The following COL3A1 variants were observed in gnomAD, a reference collection of about 807,000 sequenced individuals.
The protein encoded by COL3A1 is collagen alpha-1(III) chain.
Under a neutral mutation model 200.9 loss-of-function variants are expected in COL3A1, and 46 were observed. The ratio of observed to expected loss-of-function variants is 0.23; its 90% confidence interval spans 0.18 to 0.29. The LOEUF is 0.29. COL3A1 is among the 10% of genes least tolerant of loss of function. The pLI is 1.00. For missense variants in COL3A1, 1,367 were observed against 1,917.6 expected, an observed-to-expected ratio of 0.71 and a Z score of 5.36; for synonymous variants, 650 against 628.0, an observed-to-expected ratio of 1.03 and a Z score of -0.52.
In COL3A1 at chr2:188,998,694, T is replaced by C; in HGVS notation, c.1998T>C (p.Gly666=). ...PGEPGPKGDA[G]APGAPGGKGD... ...CCCAGGGTCCAAAGGGTGATGCCGGTGCACCTGGAGCTCCAGGAGGCAAGG... is the reference window on the plus strand; with the variant it reads ...CCCAGGGTCCAAAGGGTGATGCCGGCGCACCTGGAGCTCCAGGAGGCAAGG... Residue 666 remains glycine (G), a synonymous_variant, in exon 29 of 51, where the codon GGT becomes GGC. Coordinates refer to ENST00000304636, the MANE Select transcript of COL3A1 (RefSeq NM_000090.4). 3.1e-6 allele frequency: 5 copies of C among 1,613,992 alleles called. No homozygotes were observed. The highest frequency in any genetic ancestry group is 4.2e-6 in the Non-Finnish European group (5 of 1,179,922).
At chr2:188,997,425 G>A in intron 26 of COL3A1, 36 bp downstream of exon 26, 2 of 1,579,932 alleles carry the variant, frequency 1.3e-6, no homozygotes, top group African/African-American at 1.3e-5. Flanking sequence ...GATGAAAATA[G>A]GGTGGAGGTG....
chr2:188,995,081 T>C lies in COL3A1; in HGVS notation c.1491T>C (p.Asn497=), dbSNP rs147559081. The C allele has an allele frequency of 6.2e-7, 1 of 1,614,098 alleles. No individual in the cohort carries two copies. The highest frequency in any genetic ancestry group is 8.5e-7 in the Non-Finnish European group (1 of 1,180,044). ...GGTTCCGAGGACCTGCTGGACCAAA[T>C]GGCATCCCAGGAGAAAAGGTAGATA... ...APGFRGPAGP[N]GIPGEKGPAG... The change falls in exon 21 of 51, where the codon AAT becomes AAC. Residue 497 remains asparagine, a synonymous_variant. Transcript: ENST00000304636.
chr2:188,979,290 C>T (rs1687899646), intron 1 of COL3A1, among the ~76,000 whole-genome samples: 1 of 151,868 alleles, frequency 6.6e-6, no homozygotes, highest in South Asian at 2.1e-4. Flanking sequence ...TTTGGAGTTG[C>T]ATAGCATGTT....
At chr2:189,007,104 T>C (rs1213482970) in intron 44 of COL3A1, 114 bp downstream of exon 44, 1 of 83,574 alleles carries the variant, frequency 1.2e-5, no homozygotes, top group East Asian at 2.3e-4. Flanking sequence ...TGAATATATA[T>C]ATATATATAT....
intron 1 of COL3A1, among the ~76,000 whole-genome samples, chr2:188,979,719 A>G (rs2153500734): frequency 6.6e-6 from 1 of 151,934 alleles, no homozygotes; most frequent in South Asian, 2.1e-4. Context: ...TTAACCTTGC[A>G]GGGATAAAAA....
rs1688695281 is a variant in COL3A1 at position 189,010,381 on chromosome 2, C to T, written c.4011+16C>T. On this transcript the variant is annotated intron_variant, in intron 49 of 50. Transcript: ENST00000304636. ...TGGTTTTCAGGTAGGAAAGGATATA[C>T]CTTTTTTTAAATAAGTCACCTCTAT... is the stretch of plus-strand genomic sequence containing the variant. 6.2e-6 allele frequency: 10 copies of T among 1,613,292 alleles called. No homozygotes were observed. The South Asian group carries it at 9.9e-5, about 16-fold the overall frequency.
At position 189,009,074 on chromosome 2, in the gene COL3A1, G is replaced by T. The variant is rs1453881906; in HGVS notation, c.3676G>T (p.Asp1226Tyr). Residue 1226 changes from aspartate to tyrosine, a missense_variant, in exon 48 of 51, where the codon GAT (aspartate) becomes TAT (tyrosine). Transcript: ENST00000304636. ...CCCGTATTATGGAGATGAACCAATG[G>T]ATTTCAAAATCAACACCGATGAGAT... ...FAPYYGDEPM[D>Y]FKINTDEIMT... The T allele has an allele frequency of 1.2e-6, 2 of 1,614,134 alleles. No individual in the cohort carries two copies. The highest frequency in any genetic ancestry group is 2.2e-5 in the South Asian group (2 of 91,070).
intron 1 of COL3A1, among the ~76,000 whole-genome samples, chr2:188,982,693 G>A (rs1281902638): frequency 6.6e-6 from 1 of 151,730 alleles, no homozygotes. Context: ...GGATCTGGAG[G>A]GCTTAAAATA....
chr2:189,000,216 A>G (rs1298095091), intron 32 of COL3A1, among the ~76,000 whole-genome samples: 1 of 152,214 alleles, frequency 6.6e-6, no homozygotes, highest in Non-Finnish European at 1.5e-5. Flanking sequence ...AAAGTCATCA[A>G]AATTCAATAT....
chr2:188,994,865 A>G lies in COL3A1; in HGVS notation c.1455+34A>G. On this transcript the variant is annotated intron_variant, in intron 20 of 50. Transcript: ENST00000304636. This position sits in a 1 kb window ranked among gnomAD's most constrained non-coding sequence, Gnocchi z 4.5. Reference sequence around the variant, plus strand: ...TCCATGGGGCATCTAAAAGAAAAGCAGCATCACTGTCATCTAAATAAAACT... The same window carrying G: ...TCCATGGGGCATCTAAAAGAAAAGCGGCATCACTGTCATCTAAATAAAACT... 1 of 1,607,162 alleles carries G rather than the reference A, an allele frequency of 6.2e-7. No homozygotes were observed. Among genetic ancestry groups the G allele is most frequent in the African/African-American group, 1.3e-5 (1 of 74,884 alleles).
At chr2:189,009,933 G>T (rs1250776523) in intron 48 of COL3A1, among the ~76,000 whole-genome samples, 6 of 152,002 alleles carry the variant, frequency 3.9e-5, no homozygotes, top group African/African-American at 1.5e-4. Flanking sequence ...GCAATCAAAA[G>T]GTCTTAGCTT....
At chr2:188,986,808 T>TGG (rs1411016957) in intron 4 of COL3A1, among the ~76,000 whole-genome samples, 1 of 151,846 alleles carries the variant, frequency 6.6e-6, no homozygotes, top group Non-Finnish European at 1.5e-5. Context: ...TAGGAAAAAT[T>TGG]GGGGGGAACT....
chr2:188,995,946 T>G (rs1688298286), intron 22 of COL3A1, among the ~76,000 whole-genome samples, 156 bp downstream of exon 22: 1 of 152,080 alleles, frequency 6.6e-6, no homozygotes, highest in Non-Finnish European at 1.5e-5. Context: ...TAAGCCGAGA[T>G]AGTTCAAGGA....
chr2:189,010,063 T>C, intron 48 of COL3A1, 115 bp from the exon 49 acceptor site: 1 of 960,682 alleles, frequency 1.0e-6, no homozygotes, highest in Non-Finnish European at 1.6e-6. Context: ...ATTCTATACA[T>C]AAAATGCAGA....
rs556315634 is a variant in COL3A1, at chr2:188,989,633, T to C, written c.690+184T>C. ...TACAGTATTTGCGTTTCTATATATA[T>C]CATTTGTTGAATTCCAAAATAAAAT... On this transcript the variant is annotated intron_variant, in intron 8 of 50. Coordinates refer to ENST00000304636, the MANE Select transcript of COL3A1 (RefSeq NM_000090.4). Among the ~76,000 whole-genome samples the C allele has an allele frequency of 1.4e-3, 207 of 152,300 alleles. 1 individual carries two copies. Among genetic ancestry groups the C allele is most frequent in the African/African-American group, 4.8e-3 (200 of 41,578 alleles).
intron 13 of COL3A1, 78 bp downstream of exon 13, chr2:188,991,800 T>C: frequency 2.8e-6 from 4 of 1,453,880 alleles, no homozygotes; most frequent in Non-Finnish European, 2.9e-6. Flanking sequence ...TTTCAGGCTG[T>C]AAAAATATGT....
At chr2:189,006,506 C>T in intron 43 of COL3A1, 54 bp downstream of exon 43, 3 of 1,542,254 alleles carry the variant, frequency 1.9e-6, no homozygotes, top group Non-Finnish European at 2.7e-6. Context: ...TCAATAAAGA[C>T]ATTTGTAGGT....
At chr2:188,985,819 T>G in intron 4 of COL3A1, 41 bp downstream of exon 4, 1 of 1,315,380 alleles carries the variant, frequency 7.6e-7, no homozygotes, top group Non-Finnish European at 1.1e-6. Context: ...CTCATAAAAC[T>G]ATCTAGTTCA....
At chr2:188,996,629 G>A in intron 24 of COL3A1, 133 bp downstream of exon 24, 1 of 731,886 alleles carries the variant, frequency 1.4e-6, no homozygotes, top group Non-Finnish European at 2.3e-6. Flanking sequence ...CAAATTGCAT[G>A]TAGGAAGGGA....
Sources: allele counts gnomAD v4.1 joint callset (sites outside exome capture counted in the v4.1 genomes callset), GRCh38; gene constraint gnomAD v4.1.1; non-coding constraint Gnocchi (gnomAD v3.1); transcripts MANE v1.5; gene names NCBI Gene and HGNC (gene_info 2026-07-23, HGNC 2026-07-21).